JAG2: variants seen among roughly 807,000 people sequenced by gnomAD.
JAG2 encodes the protein jagged canonical Notch ligand 2, also known as protein jagged-2.
A neutral mutation model predicts 141.7 loss-of-function variants in JAG2; 46 were observed. That is an observed-to-expected ratio of 0.32 (90% CI 0.26 to 0.42). The LOEUF (loss-of-function observed/expected upper bound fraction) is 0.42. JAG2 is among the 10% of genes least tolerant of loss of function. The pLI, the probability that JAG2 is intolerant of heterozygous loss-of-function variation, is 1.00. For missense variants in JAG2, 1,500 were observed against 1,817.5 expected, an observed-to-expected ratio of 0.83 and a Z score of 3.18; for synonymous variants, 862 against 763.5, an observed-to-expected ratio of 1.13 and a Z score of -2.13.
chr14:105,144,566 C>G (rs1019741840), intron 24 of JAG2, among the ~76,000 whole-genome samples: 15 of 152,216 alleles, frequency 9.9e-5, no homozygotes, highest in Non-Finnish European at 1.9e-4. Flanking sequence ...TGACACCCCC[C>G]AGGTCCAGGG....
At chr14:105,157,104 C>T (rs1888605673) in intron 3 of JAG2, among the ~76,000 whole-genome samples, 2 of 152,286 alleles carry the variant, frequency 1.3e-5, no homozygotes, top group Non-Finnish European at 2.9e-5. Flanking sequence ...AGCTCCTCCT[C>T]GGTCTGTGTC....
chr14:105,148,835 G>T lies in JAG2; in HGVS notation c.1930C>A (p.Pro644Thr). The change falls in exon 15 of 26, where the codon CCC (proline) becomes ACC (threonine). Residue 644 changes from proline (P) to threonine (T), a missense_variant. Pro to Thr is a conservative substitution (Grantham distance 38). Coordinates refer to ENST00000331782, the MANE Select transcript of JAG2 (RefSeq NM_002226.5). Reference sequence around the variant, plus strand: ...ATGCATGTGCCCCCATTGCGGCAGGGCTGGCCCAGGCAGTCGTCAATGTCT... The same window carrying T: ...ATGCATGTGCCCCCATTGCGGCAGGTCTGGCCCAGGCAGTCGTCAATGTCT... ...HENIDDCLGQ[P>T]CRNGGTCIDE... 1 of 1,594,026 alleles carries T rather than the reference G, an allele frequency of 6.3e-7. No individual in the cohort carries two copies. The highest frequency in any genetic ancestry group is 8.5e-7 in the Non-Finnish European group (1 of 1,171,106).
In JAG2 at chr14:105,142,580, G is replaced by T; in HGVS notation, c.*115C>A. The T allele has an allele frequency of 1.4e-6, 1 of 728,326 alleles. No homozygotes were observed. Among genetic ancestry groups the T allele is most frequent in the Middle Eastern group, 2.4e-4 (1 of 4,168 alleles). The allele number at this position is 728,326 out of a possible 1,614,324, so 45.1% of individuals were successfully genotyped here. On this transcript the variant is annotated 3_prime_UTR_variant, in exon 26 of 26. Coordinates refer to ENST00000331782, the MANE Select transcript of JAG2 (RefSeq NM_002226.5). The stretch of plus-strand genomic sequence containing the variant: ...AAATAAACATTTGGTTTTTGTTTTT[G>T]GTGGTTTTTTTACACAAAATAAAGA...
At position 105,150,885 on chromosome 14, in the gene JAG2, G is replaced by A; in HGVS notation, c.1408C>T (p.Gln470Ter). Residue 470 changes from glutamine to a stop codon, truncating the protein, a stop_gained, in exon 11 of 26, where the codon CAG (glutamine) becomes TAG (stop). Transcript: ENST00000331782. LOFTEE classifies it high-confidence loss of function. Reference sequence around the variant, plus strand: ...CTCACCTTGCAGGTGCCCCCATGCTGACACTGCCCGCGACAGTCGTTGACG... The same window carrying A: ...CTCACCTTGCAGGTGCCCCCATGCTAACACTGCCCGCGACAGTCGTTGACG... ...INVNDCRGQCQHGGTCKDLVN... is the reference protein window; with the variant it reads ...INVNDCRGQC 6.3e-7 allele frequency: 1 copy of A among 1,590,546 alleles called. No homozygotes were observed. The highest frequency in any genetic ancestry group is 8.6e-7 in the Non-Finnish European group (1 of 1,169,158).
intron 15 of JAG2, 86 bp downstream of exon 15, chr14:105,148,659 C>T (rs1055715309): frequency 2.4e-6 from 3 of 1,241,168 alleles, no homozygotes; most frequent in African/African-American, 1.5e-5. Context: ...GGGCCTGCCG[C>T]ACCCAGACAG....
rs1367310223 is a variant in JAG2 at position 105,167,040 on chromosome 14, C to T, written c.417+717G>A. Among the ~76,000 whole-genome samples the T allele has an allele frequency of 6.6e-6, 1 of 152,158 alleles. No homozygotes were observed. Among genetic ancestry groups the T allele is most frequent in the African/African-American group, 2.4e-5 (1 of 41,440 alleles). ...CCAGTGACACTGGACCCCTACCACC[C>T]CTCCTCCCAGCACGCCCAGGCCAGG... On this transcript the variant is annotated intron_variant, in intron 2 of 25. Transcript: ENST00000331782. This position sits in a 1 kb window ranked among gnomAD's most constrained non-coding sequence, Gnocchi z 4.8.
At chr14:105,143,774 C>A in intron 24 of JAG2, 136 bp from the exon 25 acceptor site, 1 of 992,428 alleles carries the variant, frequency 1.0e-6, no homozygotes, top group East Asian at 2.5e-5. Context: ...CCTGCAGTGG[C>A]GACTTCACCA....
intron 24 of JAG2, 38 bp from the exon 25 acceptor site, chr14:105,143,676 G>A (rs761840487): frequency 4.4e-6 from 7 of 1,597,906 alleles, no homozygotes; most frequent in Non-Finnish European, 5.1e-6. Context: ...TGGCTCGAGG[G>A]CTCCAGGCTC....
intron 2 of JAG2, among the ~76,000 whole-genome samples, chr14:105,158,651 A>AC (rs901126507): frequency 1.6e-4 from 24 of 151,756 alleles, no homozygotes; most frequent in Non-Finnish European, 1.9e-4. Flanking sequence ...AGCACTGGGT[A>AC]CCCACATTCC....
intron 2 of JAG2, among the ~76,000 whole-genome samples, chr14:105,162,052 G>A (rs890867083): frequency 6.6e-6 from 1 of 152,208 alleles, no homozygotes; most frequent in Non-Finnish European, 1.5e-5. Flanking sequence ...ATGTGGGGAT[G>A]TGGGCCTGGC....
Position 105,142,580 on chromosome 14 carries a change from G to C in JAG2, c.*115C>G. ...AAATAAACATTTGGTTTTTGTTTTTGGTGGTTTTTTTACACAAAATAAAGA... is the reference window on the plus strand; with the variant it reads ...AAATAAACATTTGGTTTTTGTTTTTCGTGGTTTTTTTACACAAAATAAAGA... On this transcript the variant is annotated 3_prime_UTR_variant, in exon 26 of 26. Transcript: ENST00000331782. 1.4e-6 allele frequency: 1 copy of C among 728,326 alleles called. No individual in the cohort carries two copies. Among genetic ancestry groups the C allele is most frequent in the East Asian group, 2.7e-5 (1 of 36,364 alleles). 45.1% of individuals were successfully genotyped at this position (728,326 alleles called of 1,614,324 possible).
In JAG2 at chr14:105,168,765, C is replaced by T; in HGVS notation, c.-345G>A. The T allele has an allele frequency of 5.8e-6, 1 of 172,666 alleles. No individual in the cohort carries two copies. Among genetic ancestry groups the T allele is most frequent in the Non-Finnish European group, 1.2e-5 (1 of 82,736 alleles). 10.7% of individuals were successfully genotyped at this position (172,666 alleles called of 1,614,324 possible). A position where few individuals can be genotyped will look rare whatever the true frequency, so the allele number is the denominator to read the frequency against. On this transcript the variant is annotated 5_prime_UTR_variant, in exon 1 of 26. Transcript: ENST00000331782. ...CTCCCGGCACCGCAGCCAACAAGTT[C>T]GGAACGAGACTGACAGCTCGCTCGC...
intron 23 of JAG2, among the ~76,000 whole-genome samples, chr14:105,145,319 G>A (rs911056140): frequency 1.3e-4 from 20 of 152,222 alleles, no homozygotes; most frequent in Non-Finnish European, 2.4e-4. Context: ...AGGAGAGGCA[G>A]GGCGGGGTAC....
In JAG2 at chr14:105,150,111, T is replaced by C. The variant is rs1295316352; in HGVS notation, c.1602+493A>G. On this transcript the variant is annotated intron_variant, in intron 12 of 25. Transcript: ENST00000331782. Reference sequence around the variant, plus strand: ...GGGGAAGGGGGAAGGCAGGTTACTTTGGAGGCAGGGGGGAAGGGGAGGTTG... The same window carrying C: ...GGGGAAGGGGGAAGGCAGGTTACTTCGGAGGCAGGGGGGAAGGGGAGGTTG... 2.2e-4 allele frequency among the ~76,000 whole-genome samples: 9 copies of C among 40,748 alleles called. No homozygotes were observed. The South Asian group carries it at 2.6e-3, about 12-fold the overall frequency. 26.7% of individuals were successfully genotyped at this position (40,748 alleles called of 152,430 possible). A position where few individuals can be genotyped will look rare whatever the true frequency, so the allele number is the denominator to read the frequency against.
intron 20 of JAG2, chr14:105,147,063 C>G: frequency 1.7e-6 from 1 of 604,102 alleles, no homozygotes; most frequent in African/African-American, 1.8e-5. Context: ...GAGCCCACGT[C>G]AGGCTGCACG....
chr14:105,154,442 G>A lies in JAG2; in HGVS notation c.788+1120C>T, dbSNP rs112213529. On this transcript the variant is annotated intron_variant, in intron 5 of 25. Transcript: ENST00000331782. This position sits in a 1 kb window ranked among gnomAD's most constrained non-coding sequence, Gnocchi z 4.4. ...TGCCCACCCCAGACCCTGGGCCCCA[G>A]CCCCTCTGGTTGCCCTGCTGACTTC... Among the ~76,000 whole-genome samples the A allele has an allele frequency of 2.6e-5, 4 of 152,220 alleles. No homozygotes were observed. Among genetic ancestry groups the A allele is most frequent in the African/African-American group, 7.2e-5 (3 of 41,542 alleles).
intron 23 of JAG2, 63 bp from the exon 24 acceptor site, chr14:105,145,124 G>A: frequency 6.3e-7 from 1 of 1,595,846 alleles, no homozygotes; most frequent in Non-Finnish European, 8.5e-7. Context: ...TACATCCCTG[G>A]ACTGGCGCTG....
chr14:105,162,758 C>G (rs1474703560), intron 2 of JAG2, among the ~76,000 whole-genome samples: 1 of 143,958 alleles, frequency 6.9e-6, no homozygotes, highest in African/African-American at 2.7e-5. Flanking sequence ...CTTGTGCACC[C>G]CATGGCCCAG....
At chr14:105,155,350 G>A (rs1888547446) in intron 5 of JAG2, among the ~76,000 whole-genome samples, 1 of 152,064 alleles carries the variant, frequency 6.6e-6, no homozygotes, top group South Asian at 2.1e-4. Flanking sequence ...TCTCCTCACT[G>A]TCCTCACATG....
Sources: allele counts gnomAD v4.1 joint callset (sites outside exome capture counted in the v4.1 genomes callset), GRCh38; gene constraint gnomAD v4.1.1; non-coding constraint Gnocchi (gnomAD v3.1); transcripts MANE v1.5; gene names NCBI Gene and HGNC (gene_info 2026-07-23, HGNC 2026-07-21).